Variants in ACACA observed in about 807,000 individuals in gnomAD.
ACACA encodes acetyl-CoA carboxylase alpha.
Under a neutral mutation model 296.1 loss-of-function variants are expected in ACACA, and 103 were observed. That is an observed-to-expected ratio of 0.35 (90% CI 0.30 to 0.41). The LOEUF (loss-of-function observed/expected upper bound fraction) is 0.41. ACACA is among the 10% of genes least tolerant of loss of function. ACACA has a pLI of 1.00. For missense variants in ACACA, 1,554 were observed against 2,989.7 expected, an observed-to-expected ratio of 0.52 and a Z score of 11.20; for synonymous variants, 953 against 1,038.6, an observed-to-expected ratio of 0.92 and a Z score of 1.58.
intron 1 of ACACA, among the ~76,000 whole-genome samples, chr17:37,361,687 C>G (rs2147610981): frequency 6.6e-6 from 1 of 152,260 alleles, no homozygotes; most frequent in South Asian, 2.1e-4. Flanking sequence ...TTCAGCAACC[C>G]CTGAGTGTTA....
intron 21 of ACACA, among the ~76,000 whole-genome samples, chr17:37,244,036 C>A (rs755658258): frequency 1.5e-4 from 23 of 152,056 alleles, no homozygotes; most frequent in Non-Finnish European, 2.4e-4. Flanking sequence ...GCAACGTAAG[C>A]ATCTAACATT....
intron 41 of ACACA, among the ~76,000 whole-genome samples, chr17:37,166,205 C>G (rs959885534): frequency 6.6e-6 from 1 of 152,044 alleles, no homozygotes; most frequent in South Asian, 2.1e-4. Flanking sequence ...ACAAATACAG[C>G]TCACTGAAGC....
intron 25 of ACACA, among the ~76,000 whole-genome samples, chr17:37,234,738 T>G (rs1458702012): frequency 6.6e-6 from 1 of 152,106 alleles, no homozygotes; most frequent in Non-Finnish European, 1.5e-5. Flanking sequence ...AGGTATAAGT[T>G]CCTGTGAATG....
At chr17:37,155,913 C>A in intron 42 of ACACA, 133 bp from the exon 43 acceptor site, 1 of 691,868 alleles carries the variant, frequency 1.4e-6, no homozygotes. Flanking sequence ...GGTTTACTGT[C>A]TAACAGAATA....
At chr17:37,179,494 G>A in intron 40 of ACACA, 88 bp from the exon 41 acceptor site, 1 of 1,479,528 alleles carries the variant, frequency 6.8e-7, no homozygotes, top group Non-Finnish European at 9.3e-7. Flanking sequence ...ATCTGGTTTT[G>A]CCTTCTTTTC....
chr17:37,254,574 A>G (rs2081140750), intron 14 of ACACA, among the ~76,000 whole-genome samples: 2 of 152,106 alleles, frequency 1.3e-5, no homozygotes, highest in Admixed American at 1.3e-4. Flanking sequence ...TTAACTGCCA[A>G]TTGTCTTACA....
In ACACA at chr17:37,097,073, C is replaced by A; in HGVS notation, c.6814G>T (p.Ala2272Ser). The A allele has an allele frequency of 6.2e-7, 1 of 1,614,130 alleles. No homozygotes were observed. Among genetic ancestry groups the A allele is most frequent in the Non-Finnish European group, 8.5e-7 (1 of 1,180,032 alleles). Residue 2272 changes from alanine to serine, a missense_variant, in exon 54 of 56, where the codon GCC (alanine) becomes TCC (serine). Transcript: ENST00000616317. The surrounding 1 kb of genome is among the most constrained non-coding windows in gnomAD (Gnocchi z 4.8). ...TGGCCATCAGTCAGCTCAGGGTTGG[C>A]ATTGTGGATTTTCTTCTTGACCAGG... ...EDLVKKKIHN[A>S]NPELTDGQIQ...
At chr17:37,391,889 C>A in intron 1 of ACACA, 1 of 649,940 alleles carries the variant, frequency 1.5e-6, no homozygotes, top group Non-Finnish European at 2.7e-6. Context: ...CAGAGTTACC[C>A]TCATGCCCCT....
chr17:37,380,890 C>T (rs1250982052), intron 1 of ACACA, among the ~76,000 whole-genome samples: 1 of 150,044 alleles, frequency 6.7e-6, no homozygotes, highest in Non-Finnish European at 1.5e-5. Context: ...GCCACCGTGC[C>T]TGGCCAGGTT....
chr17:37,354,551 T>A (rs1019791033), intron 1 of ACACA, among the ~76,000 whole-genome samples: 5 of 152,224 alleles, frequency 3.3e-5, no homozygotes, highest in Admixed American at 1.3e-4. Context: ...CTATTTGTCA[T>A]AGTTTCTTAC....
chr17:37,178,195 C>T (rs2077189646), intron 41 of ACACA, among the ~76,000 whole-genome samples: 1 of 152,158 alleles, frequency 6.6e-6, no homozygotes, highest in Non-Finnish European at 1.5e-5. Context: ...CAGAAAGAAT[C>T]ATAATGCATG....
intron 41 of ACACA, among the ~76,000 whole-genome samples, chr17:37,170,468 G>C (rs1360637844): frequency 6.6e-6 from 1 of 151,980 alleles, no homozygotes; most frequent in Non-Finnish European, 1.5e-5. Context: ...CACTGGACAG[G>C]ACGTGAAAAT....
chr17:37,297,128 T>C (rs2083378103), intron 3 of ACACA, among the ~76,000 whole-genome samples: 1 of 151,802 alleles, frequency 6.6e-6, no homozygotes, highest in Non-Finnish European at 1.5e-5. Context: ...GGTTTTTATA[T>C]AAAAACTATG....
intron 3 of ACACA, among the ~76,000 whole-genome samples, chr17:37,326,402 A>AGG (rs1326815406): frequency 6.6e-6 from 1 of 151,602 alleles, no homozygotes; most frequent in Admixed American, 6.6e-5. Flanking sequence ...GTGGTGGCGT[A>AGG]TGCCTGTAAT....
intron 1 of ACACA, among the ~76,000 whole-genome samples, chr17:37,355,975 C>A (rs1193237279): frequency 2.6e-5 from 4 of 152,106 alleles, no homozygotes; most frequent in African/African-American, 9.7e-5. Context: ...TTATGACCAG[C>A]CTGGCCGACA....
chr17:37,218,777 C>T (rs750351322), intron 29 of ACACA, among the ~76,000 whole-genome samples: 17 of 152,122 alleles, frequency 1.1e-4, no homozygotes, highest in Non-Finnish European at 2.4e-4. Context: ...ATATGCTTTT[C>T]GCCTGCTTGA....
rs763152576 is a variant in ACACA, at chr17:37,299,230, G to GT, written c.339-14261dup. The GT allele has an allele frequency of 7.8e-5, 123 of 1,575,196 alleles. No homozygotes were observed. The Admixed American group carries it at 1.9e-3, about 25-fold the overall frequency. ...AGGGCTTAGCTGTCAGTACCTTACT[G>GT]TTTTTTTAAAGATATATATATTACC... On this transcript the variant is annotated intron_variant, in intron 3 of 55. Coordinates refer to ENST00000616317, the MANE Select transcript of ACACA (RefSeq NM_198834.3).
At chr17:37,376,848 G>A (rs1247816547) in intron 1 of ACACA, among the ~76,000 whole-genome samples, 1 of 152,062 alleles carries the variant, frequency 6.6e-6, no homozygotes, top group Non-Finnish European at 1.5e-5. Flanking sequence ...TCAGCTACTC[G>A]GGTGGCTGAG....
chr17:37,304,923 C>T (rs1661238404), intron 3 of ACACA, among the ~76,000 whole-genome samples: 1 of 152,124 alleles, frequency 6.6e-6, no homozygotes, highest in Admixed American at 6.5e-5. Context: ...TGGTAAGACT[C>T]TGTCCCTATA....
Sources: gnomAD v4.1 joint callset for allele counts (sites outside exome capture counted in the v4.1 genomes callset) on GRCh38, gnomAD v4.1.1 for gene constraint, Gnocchi (gnomAD v3.1) non-coding constraint, MANE v1.5 for transcripts, NCBI Gene and HGNC (gene_info 2026-07-23, HGNC 2026-07-21) for gene names.